Variants in CNTNAP2 observed in about 807,000 individuals in gnomAD.
The protein encoded by CNTNAP2 is contactin-associated protein-like 2.
Under a neutral mutation model 155.2 loss-of-function variants are expected in CNTNAP2, and 98 were observed. The observed-to-expected ratio is 0.63, with a 90% CI of 0.54 to 0.75. The LOEUF (loss-of-function observed/expected upper bound fraction) is 0.75. Ranked by LOEUF, CNTNAP2 falls within the 30% of genes least tolerant of loss-of-function variation. The pLI is 0.00. For missense variants in CNTNAP2, 1,727 were observed against 1,688.1 expected (o/e 1.02, Z -0.40); for synonymous variants, 651 against 631.2 (o/e 1.03, Z -0.47).
At chr7:147,000,824 G>A (rs956860441) in intron 3 of CNTNAP2, among the ~76,000 whole-genome samples, 14 of 152,128 alleles carry the variant, frequency 9.2e-5, no homozygotes, top group African/African-American at 3.4e-4. Context: ...TCTGCCTGTT[G>A]TGGTAGGTTA....
At chr7:146,503,835 T>C (rs1353068068) in intron 1 of CNTNAP2, among the ~76,000 whole-genome samples, 2 of 152,176 alleles carry the variant, frequency 1.3e-5, no homozygotes, top group Admixed American at 6.5e-5. Context: ...TTGATTACTG[T>C]CAGGTTCCAA....
intron 13 of CNTNAP2, among the ~76,000 whole-genome samples, chr7:147,742,639 G>A (rs760827872): frequency 5.3e-5 from 8 of 152,112 alleles, no homozygotes; most frequent in Admixed American, 1.3e-4. Context: ...ATAAGGTTTC[G>A]CTCATGTAGA....
At chr7:147,850,635 G>A (rs1051871000) in intron 13 of CNTNAP2, among the ~76,000 whole-genome samples, 3 of 152,154 alleles carry the variant, frequency 2.0e-5, no homozygotes, top group Admixed American at 6.5e-5. Flanking sequence ...ACAACCATCT[G>A]ATCTTTGACA....
intron 9 of CNTNAP2, among the ~76,000 whole-genome samples, chr7:147,301,588 CTCTCTGTG>C (rs1463259487): frequency 1.0e-3 from 61 of 60,698 alleles, no homozygotes; most frequent in African/African-American, 1.3e-3. Context: ...CTCTCTCTCT[CTCTCTGTG>C]TGTGTGTGTG....
intron 1 of CNTNAP2, among the ~76,000 whole-genome samples, chr7:146,509,657 G>C (rs192180677): frequency 6.6e-6 from 1 of 151,978 alleles, no homozygotes; most frequent in Non-Finnish European, 1.5e-5. Context: ...GGGGTGGCAG[G>C]CCCAAGCCTA....
Position 146,882,511 on chromosome 7 carries a change from C to G in CNTNAP2, c.402+42607C>G, listed in dbSNP as rs563118068. Among the ~76,000 whole-genome samples the G allele has an allele frequency of 3.2e-4, 49 of 152,134 alleles. 1 individual carries two copies. The highest frequency in any genetic ancestry group is 1.1e-3 in the African/African-American group (46 of 41,534). ...ATGGTTTTATAAAGGCCTTTCCCCCCTCTTCACCCTGCATTTCTCTCTCCT... is the reference window on the plus strand; with the variant it reads ...ATGGTTTTATAAAGGCCTTTCCCCCGTCTTCACCCTGCATTTCTCTCTCCT... On this transcript the variant is annotated intron_variant, in intron 3 of 23. Coordinates refer to ENST00000361727, the MANE Select transcript of CNTNAP2 (RefSeq NM_014141.6).
chr7:146,647,793 T>A (rs1036647755), intron 1 of CNTNAP2, among the ~76,000 whole-genome samples: 4 of 152,212 alleles, frequency 2.6e-5, no homozygotes, highest in African/African-American at 9.6e-5. Context: ...CTTTACCTAT[T>A]CTTTTGATTA....
chr7:146,622,231 A>C (rs1369710895), intron 1 of CNTNAP2, among the ~76,000 whole-genome samples: 1 of 146,490 alleles, frequency 6.8e-6, no homozygotes, highest in African/African-American at 2.5e-5. Context: ...GTGTATATAT[A>C]TATGTGTGTG....
At chr7:146,544,796 G>A (rs915639597) in intron 1 of CNTNAP2, among the ~76,000 whole-genome samples, 9 of 151,834 alleles carry the variant, frequency 5.9e-5, no homozygotes, top group African/African-American at 2.2e-4. Flanking sequence ...TGTGGTTCTT[G>A]CTAAGGAAGA....
intron 1 of CNTNAP2, among the ~76,000 whole-genome samples, chr7:146,408,245 A>G (rs6951145): frequency 0.41 from 62,458 of 151,712 alleles, 14,646 homozygotes; most frequent in African/African-American, 0.64. Context: ...AATTCATTGC[A>G]CTTTATAGAG....
At position 147,977,775 on chromosome 7, in the gene CNTNAP2, A is replaced by G; in HGVS notation, c.2256-87A>G. 4 of 1,562,574 alleles carry G rather than the reference A, an allele frequency of 2.6e-6. No homozygotes were observed. The South Asian group carries it at 4.5e-5, about 17-fold the overall frequency. On this transcript the variant is annotated intron_variant, in intron 14 of 23. Coordinates refer to ENST00000361727, the MANE Select transcript of CNTNAP2 (RefSeq NM_014141.6). Reference sequence around the variant, plus strand: ...ACTTCCAAACGATTACTGAAATGTCATCATTAGACAACGTAAGCAACTAGC... The same window carrying G: ...ACTTCCAAACGATTACTGAAATGTCGTCATTAGACAACGTAAGCAACTAGC...
At chr7:148,068,143 T>C (rs1803304464) in intron 15 of CNTNAP2, among the ~76,000 whole-genome samples, 1 of 152,152 alleles carries the variant, frequency 6.6e-6, no homozygotes, top group Admixed American at 6.5e-5. Flanking sequence ...TTTGCTCATA[T>C]CTACACTTTC....
At chr7:147,438,538 C>A (rs1797588228) in intron 10 of CNTNAP2, among the ~76,000 whole-genome samples, 1 of 151,412 alleles carries the variant, frequency 6.6e-6, no homozygotes. Context: ...GTGATATTGG[C>A]CTGTAGTTTT....
chr7:146,905,216 C>T (rs1041608706), intron 3 of CNTNAP2, among the ~76,000 whole-genome samples: 1 of 151,958 alleles, frequency 6.6e-6, no homozygotes, highest in African/African-American at 2.4e-5. Flanking sequence ...GGGAAATTGC[C>T]TCTGGCCTAG....
intron 1 of CNTNAP2, among the ~76,000 whole-genome samples, chr7:146,216,068 A>T (rs542048098): frequency 6.6e-6 from 1 of 152,328 alleles, no homozygotes; most frequent in South Asian, 2.1e-4. Flanking sequence ...GGGAATGTAG[A>T]TGAGTGTCCA....
chr7:146,295,173 G>C (rs1476418647), intron 1 of CNTNAP2, among the ~76,000 whole-genome samples: 1 of 152,138 alleles, frequency 6.6e-6, no homozygotes, highest in East Asian at 1.9e-4. Flanking sequence ...GTACTATCAT[G>C]TACTATGAGT....
At chr7:146,761,964 A>G (rs1450420255) in intron 1 of CNTNAP2, among the ~76,000 whole-genome samples, 1 of 152,176 alleles carries the variant, frequency 6.6e-6, no homozygotes, top group African/African-American at 2.4e-5. Flanking sequence ...AAATATATTT[A>G]AGAAAGATAT....
At chr7:146,476,716 A>T (rs1000479585) in intron 1 of CNTNAP2, among the ~76,000 whole-genome samples, 1 of 152,198 alleles carries the variant, frequency 6.6e-6, no homozygotes, top group Non-Finnish European at 1.5e-5. Context: ...ATATATGGAG[A>T]ATCTAATAAA....
At chr7:148,216,268 T>G (rs1184260754) in intron 18 of CNTNAP2, among the ~76,000 whole-genome samples, 1 of 152,214 alleles carries the variant, frequency 6.6e-6, no homozygotes, top group African/African-American at 2.4e-5. Flanking sequence ...TTTCTTCTAA[T>G]TTCTCAATAA....
Sources: gnomAD v4.1 joint callset for allele counts (sites outside exome capture counted in the v4.1 genomes callset) on GRCh38, gnomAD v4.1.1 for gene constraint, MANE v1.5 for transcripts, NCBI Gene and HGNC (gene_info 2026-07-23, HGNC 2026-07-21) for gene names.